Variants in MAEA observed in about 807,000 individuals in gnomAD.
MAEA encodes the protein E3 ubiquitin-protein transferase MAEA.
MAEA carries 22 observed loss-of-function variants against 46.2 expected under a neutral mutation model. The ratio of observed to expected loss-of-function variants is 0.48; its 90% CI spans 0.34 to 0.68. The LOEUF is 0.68. MAEA is among the 30% of genes least tolerant of loss of function. The probability of loss-of-function intolerance (pLI) is 0.01; values close to 1 mark genes in which losing one functional copy is unlikely to be tolerated. For missense variants in MAEA, 393 were observed against 558.1 expected, an observed-to-expected ratio of 0.70 and a Z score of 2.98; for synonymous variants, 246 against 222.6, an observed-to-expected ratio of 1.11 and a Z score of -0.94.
intron 1 of MAEA, among the ~76,000 whole-genome samples, chr4:1,301,262 G>A (rs1037394061): frequency 3.3e-5 from 5 of 152,368 alleles, no homozygotes; most frequent in Middle Eastern, 6.8e-3. Context: ...ATGGCACCGT[G>A]TGGGGGCAGC....
At chr4:1,323,555 C>G in intron 4 of MAEA, 1 of 702,452 alleles carries the variant, frequency 1.4e-6, no homozygotes. Context: ...TAGTAGCTCC[C>G]CTAAAGAGAG....
At chr4:1,333,976 G>A (rs1712288158) in intron 6 of MAEA, among the ~76,000 whole-genome samples, 1 of 65,662 alleles carries the variant, frequency 1.5e-5, no homozygotes, top group African/African-American at 7.1e-5. Context: ...CCATGCCCGT[G>A]TGCTCACCCC....
chr4:1,323,648 C>T, intron 4 of MAEA: 1 of 701,688 alleles, frequency 1.4e-6, no homozygotes, highest in Non-Finnish European at 2.6e-6. Flanking sequence ...GCCAGCCCCA[C>T]ACTCCCTCCC....
At chr4:1,297,298 G>A (rs1010026996) in intron 1 of MAEA, among the ~76,000 whole-genome samples, 8 of 152,200 alleles carry the variant, frequency 5.3e-5, no homozygotes, top group Non-Finnish European at 1.2e-4. Context: ...CGGCCTTCGC[G>A]GCCAGGAGGA....
In MAEA at chr4:1,315,777, A is replaced by AGT. The variant is rs1252518229; in HGVS notation, c.456+190_456+191dup. Among the ~76,000 whole-genome samples, 67 of 71,564 alleles carry AGT rather than the reference A, an allele frequency of 9.4e-4. 1 individual carries two copies. Among genetic ancestry groups the AGT allele is most frequent in the African/African-American group, 3.5e-3 (61 of 17,512 alleles). The allele number at this position is 71,564 out of a possible 152,430, so 46.9% of individuals were successfully genotyped here. ...CCCCGTGTGCGTGTGTCCCCCCTCCAGTGTGTGTGTGTGTCCCCCTCCCCG... is the reference window on the plus strand; with the variant it reads ...CCCCGTGTGCGTGTGTCCCCCCTCCAGTGTGTGTGTGTGTGTCCCCCTCCCCG... On this transcript the variant is annotated intron_variant, in intron 3 of 8. Coordinates refer to ENST00000303400, the MANE Select transcript of MAEA (RefSeq NM_001017405.3).
chr4:1,335,104 C>G (rs1283699813), intron 6 of MAEA: 12 of 985,334 alleles, frequency 1.2e-5, no homozygotes, highest in Non-Finnish European at 1.4e-5. Context: ...TGTGCTCACA[C>G]ACGCTCTCTC....
Position 1,309,688 on chromosome 4 carries a change from C to G in MAEA, c.70-2291C>G, listed in dbSNP as rs778763251. ...CCACTGGCAGGGAGGTGGGGTCTTC[C>G]AGTTGTGAAGACACCGTGGCCCCGG... On this transcript the variant is annotated intron_variant, in intron 1 of 8. Coordinates refer to ENST00000303400, the MANE Select transcript of MAEA (RefSeq NM_001017405.3). 1.6e-5 allele frequency: 25 copies of G among 1,531,124 alleles called. No individual in the cohort carries two copies. The African/African-American group carries it at 3.3e-4, about 20-fold the overall frequency. The allele number at this position is 1,531,124 out of a possible 1,614,324, so 94.8% of individuals were successfully genotyped here.
At chr4:1,322,272 C>T (rs1738226679) in intron 3 of MAEA, 109 bp from the exon 4 acceptor site, 12 of 1,467,920 alleles carry the variant, frequency 8.2e-6, no homozygotes, top group South Asian at 1.3e-5. Context: ...AGATGCATCT[C>T]GAGTGGTGGC....
At chr4:1,294,069 G>A (rs557941068) in intron 1 of MAEA, among the ~76,000 whole-genome samples, 6 of 152,218 alleles carry the variant, frequency 3.9e-5, no homozygotes, top group East Asian at 1.9e-4. Flanking sequence ...GTCTTAGGCC[G>A]GGTCTCCACC....
chr4:1,330,326 T>TCTCTCTCTCTCTCTCTCTCTCTCTCTCTC (rs1553868493), intron 5 of MAEA: 4 of 68,236 alleles, frequency 5.9e-5, no homozygotes, highest in Admixed American at 2.0e-4. Context: ...CTCTCTCTCT[T>TCTCTCTCTCTCTCTCTCTCTCTCTCTCTC]TCCGTGTGTG....
At chr4:1,317,696 A>G (rs1476273062) in intron 3 of MAEA, among the ~76,000 whole-genome samples, 2 of 152,148 alleles carry the variant, frequency 1.3e-5, no homozygotes, top group African/African-American at 4.8e-5. Flanking sequence ...CCGCTGGGGT[A>G]TGGCGTCTCG....
At chr4:1,294,290 A>C (rs1356766173) in intron 1 of MAEA, among the ~76,000 whole-genome samples, 1 of 152,024 alleles carries the variant, frequency 6.6e-6, no homozygotes, top group Non-Finnish European at 1.5e-5. Context: ...CCGCGCTGGC[A>C]CAGGTCTTCC....
In MAEA at chr4:1,293,018, C is replaced by G. The variant is rs576408922; in HGVS notation, c.69+3036C>G. 2.0e-5 allele frequency among the ~76,000 whole-genome samples: 3 copies of G among 151,770 alleles called. No homozygotes were observed. The South Asian group carries it at 6.3e-4, about 32-fold the overall frequency. On this transcript the variant is annotated intron_variant, in intron 1 of 8. Coordinates refer to ENST00000303400, the MANE Select transcript of MAEA (RefSeq NM_001017405.3). ...AAGCAATTCTCCTACCTCAGCCTCC[C>G]GAGTAGCTGAGATTACAGGCACCCG... is the stretch of plus-strand genomic sequence containing the variant.
rs1385057641 is a variant in MAEA, at chr4:1,337,252, A to T, written c.899+258A>T. 1.1e-4 allele frequency: 54 copies of T among 509,408 alleles called. 1 individual carries two copies. In the South Asian group the frequency reaches 1.1e-3, roughly 11 times the overall value. 31.6% of individuals were successfully genotyped at this position (509,408 alleles called of 1,614,324 possible). A position where few individuals can be genotyped will look rare whatever the true frequency, so the allele number is the denominator to read the frequency against. The stretch of plus-strand genomic sequence containing the variant: ...ATCTCAGAGGCCGCCATGGGCATTG[A>T]TCTAAAAGCCCGATTTTGATGTGTT... On this transcript the variant is annotated intron_variant, in intron 7 of 8. Transcript: ENST00000303400.
intron 3 of MAEA, among the ~76,000 whole-genome samples, chr4:1,317,319 CCCGCAGGCCCCACACTCTGGACTCAT>C (rs1737410483): frequency 6.8e-6 from 1 of 147,298 alleles, no homozygotes; most frequent in African/African-American, 2.5e-5. Context: ...TCCAGACTCA[CCCGCAGGCCCCACACTCTGGACTCAT>C]CTGCAGGCCC....
Position 1,339,368 on chromosome 4 carries a change from G to A in MAEA, c.*199G>A, listed in dbSNP as rs1713227312. ...GTACTTGAAAACATTTGGATTGGTAGGATTTTGTAACACGTCAACCATTTG... is the reference window on the plus strand; with the variant it reads ...GTACTTGAAAACATTTGGATTGGTAAGATTTTGTAACACGTCAACCATTTG... On this transcript the variant is annotated 3_prime_UTR_variant, in exon 9 of 9. Transcript: ENST00000303400. The A allele has an allele frequency of 2.1e-5, 12 of 574,582 alleles. No individual in the cohort carries two copies. In the South Asian group the frequency reaches 2.6e-4, roughly 13 times the overall value. 35.6% of individuals were successfully genotyped at this position (574,582 alleles called of 1,614,324 possible).
intron 5 of MAEA, chr4:1,328,833 T>C (rs1739174762): frequency 2.9e-6 from 3 of 1,044,396 alleles, no homozygotes; most frequent in Non-Finnish European, 3.5e-6. Context: ...AGGCCTCGTC[T>C]TCACGCACGA....
chr4:1,311,557 T>A lies in MAEA; in HGVS notation c.70-422T>A, dbSNP rs1453642376. On this transcript the variant is annotated intron_variant, in intron 1 of 8. Coordinates refer to ENST00000303400, the MANE Select transcript of MAEA (RefSeq NM_001017405.3). The surrounding 1 kb of genome is among the most constrained non-coding windows in gnomAD (Gnocchi z 4.4). ...GGAGCCCACGCCCCATGCACCCTTGTCCCTGCCCGGCCTGGCCTCGTGTGG... is the reference window on the plus strand; with the variant it reads ...GGAGCCCACGCCCCATGCACCCTTGACCCTGCCCGGCCTGGCCTCGTGTGG... Among the ~76,000 whole-genome samples, 1 of 152,102 alleles carries A rather than the reference T, an allele frequency of 6.6e-6. No homozygotes were observed. Among genetic ancestry groups the A allele is most frequent in the Non-Finnish European group, 1.5e-5 (1 of 68,030 alleles).
intron 4 of MAEA, among the ~76,000 whole-genome samples, chr4:1,326,780 C>A (rs1031473599): frequency 8.5e-5 from 13 of 152,236 alleles, no homozygotes; most frequent in African/African-American, 2.9e-4. Flanking sequence ...GCCAGGCCTC[C>A]ATTCCATGTG....
Sources: allele counts gnomAD v4.1 joint callset (sites outside exome capture counted in the v4.1 genomes callset), GRCh38; gene constraint gnomAD v4.1.1; non-coding constraint Gnocchi (gnomAD v3.1); transcripts MANE v1.5; gene names NCBI Gene and HGNC (gene_info 2026-07-23, HGNC 2026-07-21).